Variants in NOL4 observed in about 807,000 individuals in gnomAD.
NOL4 encodes the protein cancer/testis antigen 125.
Under a neutral mutation model 75.9 loss-of-function variants are expected in NOL4, and 17 were observed. The ratio of observed to expected loss-of-function variants is 0.22; its 90% CI spans 0.15 to 0.34. The LOEUF is 0.34. NOL4 is among the 10% of genes least tolerant of loss of function. NOL4 has a pLI of 1.00. For missense variants in NOL4, 614 were observed against 793.5 expected (o/e 0.77, Z 2.72); for synonymous variants, 292 against 289.9 (o/e 1.01, Z -0.07).
intron 6 of NOL4, among the ~76,000 whole-genome samples, chr18:33,963,826 C>T (rs1378955294): frequency 1.3e-5 from 2 of 152,170 alleles, no homozygotes; most frequent in Non-Finnish European, 2.9e-5. Flanking sequence ...AAAATTCCCA[C>T]TTGAAGGAAA....
chr18:33,983,190 G>A (rs1213589007), intron 6 of NOL4, among the ~76,000 whole-genome samples: 1 of 152,074 alleles, frequency 6.6e-6, no homozygotes, highest in Non-Finnish European at 1.5e-5. Context: ...AGGGGTTAGG[G>A]GGAGGAAGGG....
intron 10 of NOL4, among the ~76,000 whole-genome samples, chr18:33,871,660 T>C (rs568161781): frequency 4.8e-4 from 73 of 152,100 alleles, no homozygotes; most frequent in Non-Finnish European, 7.9e-4. Flanking sequence ...ATACTTTTCA[T>C]TCCTTCCCTT....
At chr18:34,028,000 C>A (rs1468353042) in intron 5 of NOL4, among the ~76,000 whole-genome samples, 1 of 152,120 alleles carries the variant, frequency 6.6e-6, no homozygotes, top group African/African-American at 2.4e-5. Context: ...CTCATCAAAT[C>A]AAAATTTAAA....
chr18:34,036,077 A>G (rs2075881167), intron 5 of NOL4, among the ~76,000 whole-genome samples: 1 of 152,156 alleles, frequency 6.6e-6, no homozygotes, highest in East Asian at 1.9e-4. Context: ...TCCTCAAGCT[A>G]TTTCAAAAAA....
At chr18:34,202,580 A>G (rs753545101) in intron 1 of NOL4, among the ~76,000 whole-genome samples, 1 of 152,022 alleles carries the variant, frequency 6.6e-6, no homozygotes, top group Non-Finnish European at 1.5e-5. Context: ...GTGACACACA[A>G]TCTATAAGGT....
intron 9 of NOL4, among the ~76,000 whole-genome samples, chr18:33,908,206 T>C (rs2066179515): frequency 6.6e-6 from 1 of 152,158 alleles, no homozygotes; most frequent in South Asian, 2.1e-4. Context: ...AAAATTAGGC[T>C]CAACTAAGAA....
At chr18:34,044,975 T>G (rs1444532104) in intron 5 of NOL4, among the ~76,000 whole-genome samples, 3 of 152,212 alleles carry the variant, frequency 2.0e-5, no homozygotes, top group Admixed American at 1.3e-4. Context: ...CTCACCAGAC[T>G]GAGTGTTTTT....
intron 1 of NOL4, among the ~76,000 whole-genome samples, chr18:34,162,778 G>A (rs1182245323): frequency 6.6e-6 from 1 of 152,136 alleles, no homozygotes; most frequent in East Asian, 1.9e-4. Context: ...GCCCGGCAGA[G>A]ACACAACCAA....
rs148707951 is a variant in NOL4, at chr18:34,039,081, A to T, written c.773-19480T>A. Among the ~76,000 whole-genome samples, 381 of 152,176 alleles carry T rather than the reference A, an allele frequency of 2.5e-3. 2 individuals are homozygous for T. The highest frequency in any genetic ancestry group is 8.6e-3 in the African/African-American group (357 of 41,558). On this transcript the variant is annotated intron_variant, in intron 5 of 10. Transcript: ENST00000261592. ...AATATATAAACAATATAGACATCAG[A>T]ACATTAAAATCTCAGCTATATATTA... is the stretch of plus-strand genomic sequence containing the variant.
intron 5 of NOL4, among the ~76,000 whole-genome samples, chr18:34,021,616 G>A (rs1348466047): frequency 6.6e-6 from 1 of 152,070 alleles, no homozygotes; most frequent in Non-Finnish European, 1.5e-5. Flanking sequence ...GAGGAGAATG[G>A]TATGAAGGGG....
chr18:33,869,618 C>A (rs1200733911), intron 10 of NOL4, among the ~76,000 whole-genome samples: 1 of 151,976 alleles, frequency 6.6e-6, no homozygotes, highest in Non-Finnish European at 1.5e-5. Context: ...TAAGAAATCA[C>A]AGTTAATCTA....
At position 33,872,833 on chromosome 18, in the gene NOL4, T is replaced by C. The variant is rs145710661; in HGVS notation, c.1723+10411A>G. Among the ~76,000 whole-genome samples, 958 of 152,086 alleles carry C rather than the reference T, an allele frequency of 6.3e-3. 8 individuals carry two copies. Among genetic ancestry groups the C allele is most frequent in the African/African-American group, 0.021 (882 of 41,530 alleles). On this transcript the variant is annotated intron_variant, in intron 10 of 10. Coordinates refer to ENST00000261592, the MANE Select transcript of NOL4 (RefSeq NM_003787.5). ...TATATTTGAAAGAAAGAGAAAACTA[T>C]CAAAATATGGATACAAATTAGTATT...
intron 2 of NOL4, among the ~76,000 whole-genome samples, chr18:34,105,480 C>T (rs2079228736): frequency 6.6e-6 from 1 of 151,876 alleles, no homozygotes; most frequent in South Asian, 2.1e-4. Context: ...TATTATTAAA[C>T]ATTGCCAACA....
rs765806668 is a variant in NOL4, at chr18:34,104,133, T to G, written c.553A>C (p.Thr185Pro). 1.2e-6 allele frequency: 2 copies of G among 1,611,202 alleles called. No individual in the cohort carries two copies. Among genetic ancestry groups the G allele is most frequent in the Non-Finnish European group, 1.7e-6 (2 of 1,177,710 alleles). The change falls in exon 4 of 11, where the codon ACC becomes CCC. Residue 185 changes from threonine (T) to proline (P), a missense_variant. Thr to Pro is a conservative substitution (Grantham distance 38). Around this residue, in one of 9 missense-constraint regions of NOL4, gnomAD observed 135 missense variants for 220.4 expected, o/e 0.61. Transcript: ENST00000261592. Reference sequence around the variant, plus strand: ...GGCATGTTGTAGTCAATCATGCTGGTCACCAAAGTGGGAGGTTTTCCATTA... The same window carrying G: ...GGCATGTTGTAGTCAATCATGCTGGGCACCAAAGTGGGAGGTTTTCCATTA... ...KDNGKPPTLV[T>P]SMIDYNMPIT...
intron 1 of NOL4, among the ~76,000 whole-genome samples, chr18:34,183,272 A>T (rs1288535427): frequency 6.6e-6 from 1 of 151,944 alleles, no homozygotes; most frequent in Non-Finnish European, 1.5e-5. Flanking sequence ...AAATATGTGG[A>T]TGCAAATAAG....
chr18:34,223,296 T>A lies in NOL4; in HGVS notation c.-43A>T. The A allele has an allele frequency of 6.2e-7, 1 of 1,601,672 alleles. No individual in the cohort carries two copies. The highest frequency in any genetic ancestry group is 8.5e-7 in the Non-Finnish European group (1 of 1,176,134). The stretch of plus-strand genomic sequence containing the variant: ...GCTGGCCGGATGCTCCCAGCGCACT[T>A]CGCACCTGTTCACCCTAGGCTCATG... On this transcript the variant is annotated 5_prime_UTR_variant, in exon 1 of 11. Coordinates refer to ENST00000261592, the MANE Select transcript of NOL4 (RefSeq NM_003787.5).
intron 1 of NOL4, among the ~76,000 whole-genome samples, chr18:34,165,412 G>T (rs894462061): frequency 7.2e-5 from 11 of 152,052 alleles, no homozygotes; most frequent in Non-Finnish European, 1.0e-4. Flanking sequence ...CTTCTGGACT[G>T]GTTCTTCTGC....
At chr18:34,116,206 AT>A (rs2079848867) in intron 2 of NOL4, among the ~76,000 whole-genome samples, 3 of 152,158 alleles carry the variant, frequency 2.0e-5, no homozygotes, top group Admixed American at 6.5e-5. Context: ...AACATTAGTG[AT>A]CCAGTGACAA....
intron 5 of NOL4, among the ~76,000 whole-genome samples, chr18:34,033,817 T>A (rs533110740): frequency 9.2e-5 from 14 of 151,928 alleles, no homozygotes; most frequent in African/African-American, 3.4e-4. Context: ...TAGTCACCTA[T>A]AAAGGAACAC....
Sources: gnomAD v4.1 joint callset for allele counts (sites outside exome capture counted in the v4.1 genomes callset) on GRCh38, gnomAD v4.1.1 for gene constraint, gnomAD v4.1.1 regional missense constraint, MANE v1.5 for transcripts, NCBI Gene and HGNC (gene_info 2026-07-23, HGNC 2026-07-21) for gene names.